Variants in PTPRD observed in about 807,000 individuals in gnomAD.
PTPRD encodes protein tyrosine phosphatase receptor type D.
PTPRD carries 34 observed loss-of-function variants against 214.5 expected under a neutral mutation model. The ratio of observed to expected loss-of-function variants is 0.16; its 90% CI spans 0.12 to 0.21. PTPRD has a LOEUF of 0.21. PTPRD is among the 10% of genes least tolerant of loss of function. The probability of loss-of-function intolerance (pLI) is 1.00; values close to 1 mark genes in which losing one functional copy is unlikely to be tolerated. For synonymous variants in PTPRD, 1,128 were observed against 845.7 expected (o/e 1.33, Z -5.79); for missense variants, 2,545 against 2,398.7 (o/e 1.06, Z -1.27).
At chr9:8,439,932 T>C (rs981337229) in intron 34 of PTPRD, among the ~76,000 whole-genome samples, 1 of 139,614 alleles carries the variant, frequency 7.2e-6, no homozygotes, top group Non-Finnish European at 1.5e-5. Context: ...TTGATGTGCT[T>C]TAATTTTTTT....
At position 9,303,563 on chromosome 9, in the gene PTPRD, TGTG is replaced by T. The variant is rs577309864; in HGVS notation, c.-203+93883_-203+93885del. On this transcript the variant is annotated intron_variant, in intron 9 of 45. Transcript: ENST00000381196. ...ACAAAATGATGAAAGCCTGCTGTGA[TGTG>T]GTTATGTGGATTTTACTAAATGTTT... 3.8e-3 allele frequency among the ~76,000 whole-genome samples: 576 copies of T among 152,198 alleles called. 6 individuals carry two copies. Among genetic ancestry groups the T allele is most frequent in the African/African-American group, 0.013 (549 of 41,570 alleles).
At chr9:8,823,786 C>T (rs74386447) in intron 11 of PTPRD, among the ~76,000 whole-genome samples, 2,179 of 152,044 alleles carry the variant, frequency 0.014, 35 homozygotes, top group African/African-American at 0.049. Flanking sequence ...GGATTTTGCG[C>T]GAGAAAAGAT....
intron 11 of PTPRD, among the ~76,000 whole-genome samples, chr9:8,827,726 G>A (rs1394573546): frequency 6.6e-6 from 1 of 151,752 alleles, no homozygotes; most frequent in Non-Finnish European, 1.5e-5. Flanking sequence ...TAACCTATAG[G>A]GTATTTATCA....
chr9:9,932,995 A>C (rs2087377786), intron 5 of PTPRD, among the ~76,000 whole-genome samples: 1 of 150,766 alleles, frequency 6.6e-6, no homozygotes, highest in South Asian at 2.1e-4. Flanking sequence ...TAAGTGAAGG[A>C]GAAATAAAAT....
chr9:10,184,945 C>T (rs1424043891), intron 3 of PTPRD, among the ~76,000 whole-genome samples: 1 of 152,114 alleles, frequency 6.6e-6, no homozygotes, highest in African/African-American at 2.4e-5. Context: ...AGGTCTATAA[C>T]CACAGCAGTG....
chr9:8,338,729 G>A (rs1849386917), intron 43 of PTPRD, among the ~76,000 whole-genome samples, 193 bp downstream of exon 43: 1 of 151,950 alleles, frequency 6.6e-6, no homozygotes, highest in South Asian at 2.1e-4. Flanking sequence ...ACTAAGGTTT[G>A]TGAGAAAGCT....
intron 9 of PTPRD, among the ~76,000 whole-genome samples, chr9:9,249,112 G>C (rs1594531764): frequency 6.6e-6 from 1 of 152,156 alleles, no homozygotes; most frequent in East Asian, 1.9e-4. Flanking sequence ...GAATGGCTTG[G>C]TGCCCTCCTA....
intron 9 of PTPRD, among the ~76,000 whole-genome samples, chr9:9,298,953 T>C (rs1954184293): frequency 6.6e-6 from 1 of 151,794 alleles, no homozygotes; most frequent in Non-Finnish European, 1.5e-5. Context: ...TTTCTTAATA[T>C]AAAAGACTTA....
chr9:9,834,889 T>C (rs10978020), intron 5 of PTPRD, among the ~76,000 whole-genome samples: 3,728 of 152,100 alleles, frequency 0.025, 58 homozygotes, highest in Middle Eastern at 0.068. Flanking sequence ...GCAAAAACTG[T>C]GTCCTCTGGT....
At chr9:8,525,080 G>T (rs937323193) in intron 17 of PTPRD, 45 bp from the exon 18 acceptor site, 1 of 1,518,912 alleles carries the variant, frequency 6.6e-7, no homozygotes, top group Non-Finnish European at 9.1e-7. Context: ...ATCAGAGAAG[G>T]CTTTCTCAGT....
chr9:9,130,325 A>C (rs112164288), intron 10 of PTPRD, among the ~76,000 whole-genome samples: 2 of 152,318 alleles, frequency 1.3e-5, no homozygotes, highest in South Asian at 4.1e-4. Context: ...ATAATAAAAC[A>C]TCAAAATTTT....
At chr9:9,374,413 T>TA (rs1395795372) in intron 9 of PTPRD, among the ~76,000 whole-genome samples, 1 of 152,074 alleles carries the variant, frequency 6.6e-6, no homozygotes, top group Non-Finnish European at 1.5e-5. Flanking sequence ...AAGAAGAAGA[T>TA]AATTACTTAT....
chr9:9,563,151 G>C (rs1374051171), intron 8 of PTPRD, among the ~76,000 whole-genome samples: 1 of 152,146 alleles, frequency 6.6e-6, no homozygotes, highest in Non-Finnish European at 1.5e-5. Context: ...GGTAGGAGCA[G>C]AAAGAGATTA....
intron 44 of PTPRD, among the ~76,000 whole-genome samples, chr9:8,323,959 ATTTTC>A (rs1383587371): frequency 1.3e-5 from 2 of 151,976 alleles, no homozygotes; most frequent in East Asian, 1.9e-4. Context: ...CTTCATTATT[ATTTTC>A]TTTTAAGAAA....
intron 11 of PTPRD, among the ~76,000 whole-genome samples, chr9:8,742,128 A>C (rs1413274465): frequency 6.6e-6 from 1 of 152,200 alleles, no homozygotes; most frequent in African/African-American, 2.4e-5. Flanking sequence ...AGTTATGACC[A>C]ATAAACTAAT....
At position 9,486,348 on chromosome 9, in the gene PTPRD, C is replaced by A. The variant is rs1466068414; in HGVS notation, c.-237+88384G>T. ...TCTTTTCCACCCCATCACTTCCCTG[C>A]AAATACTATTCCCAAGGCAACAGTA... On this transcript the variant is annotated intron_variant, in intron 8 of 45. Coordinates refer to ENST00000381196, the MANE Select transcript of PTPRD (RefSeq NM_002839.4). Among the ~76,000 whole-genome samples the A allele has an allele frequency of 2.0e-5, 3 of 152,078 alleles. No individual in the cohort carries two copies. The East Asian group carries it at 5.8e-4, about 29-fold the overall frequency.
chr9:10,306,428 A>C (rs967029287), intron 3 of PTPRD, among the ~76,000 whole-genome samples: 5 of 152,096 alleles, frequency 3.3e-5, no homozygotes, highest in Admixed American at 6.6e-5. Flanking sequence ...TATAATAATA[A>C]TAACAATAAT....
At chr9:10,289,039 TTTC>T (rs1035450295) in intron 3 of PTPRD, among the ~76,000 whole-genome samples, 63 of 149,600 alleles carry the variant, frequency 4.2e-4, no homozygotes, top group Non-Finnish European at 8.6e-4. Flanking sequence ...TTTTTTTTTA[TTTC>T]TTTTTGTTTC....
At chr9:9,316,915 C>T (rs1963499551) in intron 9 of PTPRD, among the ~76,000 whole-genome samples, 1 of 151,590 alleles carries the variant, frequency 6.6e-6, no homozygotes, top group Admixed American at 6.6e-5. Flanking sequence ...CAGGAACAAA[C>T]TCTCTGTCTC....
Sources: allele counts gnomAD v4.1 joint callset (sites outside exome capture counted in the v4.1 genomes callset), GRCh38; gene constraint gnomAD v4.1.1; transcripts MANE v1.5; gene names NCBI Gene and HGNC (gene_info 2026-07-23, HGNC 2026-07-21).